MTR: variants seen among roughly 807,000 people sequenced by gnomAD.
The protein encoded by MTR is 5-methyltetrahydrofolate-homocysteine methyltransferase, also known as methionine synthase.
MTR carries 84 observed loss-of-function variants against 154.8 expected under a neutral mutation model. The ratio of observed to expected loss-of-function variants is 0.54; its 90% CI spans 0.45 to 0.65. The LOEUF is 0.65. MTR is among the 30% of genes least tolerant of loss of function. The pLI, the probability that MTR is intolerant of heterozygous loss-of-function variation, is 0.00. For synonymous variants in MTR, 554 were observed against 553.9 expected, an observed-to-expected ratio of 1.00 and a Z score of 0.00; for missense variants, 1,275 against 1,570.2, an observed-to-expected ratio of 0.81 and a Z score of 3.18.
intron 2 of MTR, among the ~76,000 whole-genome samples, chr1:236,804,715 C>T (rs1660880683): frequency 1.3e-5 from 2 of 152,104 alleles, no homozygotes; most frequent in Admixed American, 1.3e-4. Flanking sequence ...TCCCATTTGA[C>T]CATACTCTAA....
chr1:236,874,389 A>G (rs924683514), intron 23 of MTR, among the ~76,000 whole-genome samples: 2 of 152,070 alleles, frequency 1.3e-5, no homozygotes, highest in Non-Finnish European at 2.9e-5. Flanking sequence ...AGCCTGGCCA[A>G]CGTGGTGAAA....
At chr1:236,866,469 A>G (rs976737990) in intron 22 of MTR, among the ~76,000 whole-genome samples, 3 of 149,960 alleles carry the variant, frequency 2.0e-5, no homozygotes, top group Non-Finnish European at 4.5e-5. Context: ...AGACACAACA[A>G]TATTGAAATT....
intron 22 of MTR, among the ~76,000 whole-genome samples, chr1:236,869,388 A>T (rs1052872462): frequency 9.2e-5 from 14 of 152,140 alleles, no homozygotes; most frequent in Non-Finnish European, 1.8e-4. Flanking sequence ...GTAGAGACAA[A>T]GTCTCGCTAA....
rs530866587 is a variant in MTR, at chr1:236,863,424, C to T, written c.2305-30C>T. On this transcript the variant is annotated intron_variant, in intron 21 of 32. Coordinates refer to ENST00000366577, the MANE Select transcript of MTR (RefSeq NM_000254.3). ...AGGTGTTCCACCCTAAACAACCCTG[C>T]CTTGCTGAGCTGCTTGGCTTCCTTT... 3.1e-6 allele frequency: 5 copies of T among 1,592,012 alleles called. No individual in the cohort carries two copies. In the South Asian group the frequency reaches 4.4e-5, roughly 14 times the overall value.
At chr1:236,833,872 A>G (rs1474880315) in intron 13 of MTR, among the ~76,000 whole-genome samples, 3 of 152,162 alleles carry the variant, frequency 2.0e-5, no homozygotes, top group East Asian at 1.9e-4. Flanking sequence ...GTTGCTTACT[A>G]TCTTATCTCC....
At chr1:236,870,611 C>T (rs1447865784) in intron 22 of MTR, among the ~76,000 whole-genome samples, 1 of 152,228 alleles carries the variant, frequency 6.6e-6, no homozygotes, top group East Asian at 1.9e-4. Flanking sequence ...CTGAAGTCGT[C>T]TCATTCGTTT....
chr1:236,824,984 A>G (rs1662194221), intron 9 of MTR, among the ~76,000 whole-genome samples: 2 of 152,122 alleles, frequency 1.3e-5, no homozygotes, highest in African/African-American at 4.8e-5. Context: ...AAGGTTATGT[A>G]GTATTCCTTC....
Position 236,829,962 on chromosome 1 carries a change from AAC to A in MTR, c.1075+698_1075+699del, listed in dbSNP as rs1366754094. On this transcript the variant is annotated intron_variant, in intron 12 of 32. Coordinates refer to ENST00000366577, the MANE Select transcript of MTR (RefSeq NM_000254.3). ...TATGATTTTTAGAGAACCTGCAAAT[AAC>A]ACATATGAGGAATTATGTTCCCTAA... Among the ~76,000 whole-genome samples, 3 of 152,246 alleles carry A rather than the reference AAC, an allele frequency of 2.0e-5. No individual in the cohort carries two copies. The East Asian group carries it at 5.8e-4, about 29-fold the overall frequency.
intron 14 of MTR, 115 bp from the exon 15 acceptor site, chr1:236,838,299 T>A: frequency 9.4e-7 from 1 of 1,060,370 alleles, no homozygotes. Flanking sequence ...GACATACTAC[T>A]ATTTTTTGTT....
At chr1:236,843,891 C>G (rs758120429) in intron 15 of MTR, among the ~76,000 whole-genome samples, 2 of 152,082 alleles carry the variant, frequency 1.3e-5, no homozygotes, top group Non-Finnish European at 2.9e-5. Context: ...GTGGGTATGT[C>G]GAGTGTGCAG....
chr1:236,809,093 T>C (rs1005611653), intron 4 of MTR, among the ~76,000 whole-genome samples: 1 of 152,254 alleles, frequency 6.6e-6, no homozygotes, highest in Non-Finnish European at 1.5e-5. Context: ...TGGAAGCACA[T>C]CATCATGTCA....
intron 19 of MTR, 62 bp from the exon 20 acceptor site, chr1:236,861,063 T>A: frequency 6.9e-7 from 1 of 1,443,990 alleles, no homozygotes. Context: ...TAAGGCAGTT[T>A]TTTAGGTGAT....
Position 236,853,006 on chromosome 1 carries a change from A to G in MTR, c.1871A>G (p.His624Arg), listed in dbSNP as rs767887287. The part of the protein sequence containing the change: ...AGNLPVYDDI[H>R]KELLQLCEDL... ...AACCTCCCTGTGTATGATGATATCC[A>G]TAAGGAACTTCTGCAGCTCTGTGAA... is the stretch of plus-strand genomic sequence containing the variant. The change falls in exon 18 of 33, where the codon CAT becomes CGT. Residue 624 changes from histidine (H) to arginine (R), a missense_variant. Physicochemically the swap from His to Arg is conservative, Grantham distance 29. Coordinates refer to ENST00000366577, the MANE Select transcript of MTR (RefSeq NM_000254.3). 6 of 1,614,042 alleles carry G rather than the reference A, an allele frequency of 3.7e-6. No homozygotes were observed. Among genetic ancestry groups the G allele is most frequent in the South Asian group, 3.3e-5 (3 of 91,080 alleles).
At chr1:236,804,314 A>G (rs1660855037) in intron 2 of MTR, among the ~76,000 whole-genome samples, 1 of 152,178 alleles carries the variant, frequency 6.6e-6, no homozygotes, top group South Asian at 2.1e-4. Flanking sequence ...AAGGGCGCTT[A>G]TTCACCCCTT....
chr1:236,824,509 AT>A (rs1413057003), intron 9 of MTR, among the ~76,000 whole-genome samples: 1 of 152,200 alleles, frequency 6.6e-6, no homozygotes, highest in Non-Finnish European at 1.5e-5. Context: ...GACCAGAAAG[AT>A]GGGTGTAAGG....
intron 16 of MTR, among the ~76,000 whole-genome samples, chr1:236,851,340 G>A (rs1346932388): frequency 6.6e-6 from 1 of 152,118 alleles, no homozygotes; most frequent in African/African-American, 2.4e-5. Flanking sequence ...TTGTTGGTGA[G>A]GTCACTTTTT....
chr1:236,890,923 A>T (rs1666281387), intron 28 of MTR, among the ~76,000 whole-genome samples: 1 of 152,130 alleles, frequency 6.6e-6, no homozygotes, highest in African/African-American at 2.4e-5. Flanking sequence ...GGAGAAGCAG[A>T]CTGTGGGAGC....
chr1:236,874,600 G>A (rs955199279), intron 23 of MTR, 126 bp from the exon 24 acceptor site: 2 of 744,332 alleles, frequency 2.7e-6, no homozygotes, highest in South Asian at 1.9e-5. Flanking sequence ...TAGGAATTGG[G>A]AATTCATGTT....
At chr1:236,897,322 A>G (rs1197659878) in intron 32 of MTR, among the ~76,000 whole-genome samples, 16 of 128,818 alleles carry the variant, frequency 1.2e-4, no homozygotes, top group Non-Finnish European at 1.6e-4. Flanking sequence ...ACACACACAC[A>G]CACACACACA....
Sources: allele counts gnomAD v4.1 joint callset (sites outside exome capture counted in the v4.1 genomes callset), GRCh38; gene constraint gnomAD v4.1.1; transcripts MANE v1.5; gene names NCBI Gene and HGNC (gene_info 2026-07-23, HGNC 2026-07-21).